The following NLGN1 variants were observed in gnomAD, a reference collection of about 807,000 sequenced individuals.
NLGN1 encodes neuroligin-1.
Under a neutral mutation model 65.5 loss-of-function variants are expected in NLGN1, and 12 were observed. The ratio of observed to expected loss-of-function variants is 0.18; its 90% CI spans 0.12 to 0.30. The LOEUF (loss-of-function observed/expected upper bound fraction) is 0.30, where lower values mean the gene tolerates loss of function less well. Ranked by LOEUF, NLGN1 falls within the 10% of genes least tolerant of loss-of-function variation. The pLI, the probability that NLGN1 is intolerant of heterozygous loss-of-function variation, is 1.00. For missense variants in NLGN1, 750 were observed against 1,007.1 expected (o/e 0.74, Z 3.46); for synonymous variants, 350 against 359.5 (o/e 0.97, Z 0.30).
chr3:173,500,364 G>T (rs529037678), intron 2 of NLGN1, among the ~76,000 whole-genome samples: 327 of 152,112 alleles, frequency 2.1e-3, no homozygotes, highest in African/African-American at 6.8e-3. Context: ...TTATTGATTT[G>T]CATATGTTGA....
intron 2 of NLGN1, among the ~76,000 whole-genome samples, chr3:173,575,368 TTAAAAA>T (rs1240586214): frequency 1.3e-5 from 2 of 152,204 alleles, no homozygotes; most frequent in Non-Finnish European, 2.9e-5. Context: ...TCATGGTGAC[TTAAAAA>T]TAATAGATAT....
intron 2 of NLGN1, among the ~76,000 whole-genome samples, chr3:173,539,657 G>GTTATATATGTACATATATAACATATA (rs1362050556): frequency 1.6e-5 from 2 of 124,274 alleles, no homozygotes; most frequent in African/African-American, 6.5e-5. Context: ...TATAACATAT[G>GTTATATATGTACATATATAACATATA]TGTATATATG....
chr3:173,581,579 T>C (rs565596149), intron 2 of NLGN1, among the ~76,000 whole-genome samples: 2 of 152,076 alleles, frequency 1.3e-5, no homozygotes, highest in African/African-American at 4.8e-5. Flanking sequence ...AACCATATTT[T>C]CCCATTTAGG....
At chr3:173,571,087 C>T (rs541569584) in intron 2 of NLGN1, among the ~76,000 whole-genome samples, 57 of 152,262 alleles carry the variant, frequency 3.7e-4, no homozygotes, top group African/African-American at 1.2e-3. Context: ...TCTTTCTGTA[C>T]CCCACACCAC....
intron 4 of NLGN1, among the ~76,000 whole-genome samples, chr3:173,957,642 T>C (rs1461335437): frequency 6.6e-6 from 1 of 152,190 alleles, no homozygotes; most frequent in Admixed American, 6.5e-5. Flanking sequence ...TGGCAGAAAA[T>C]GCTATGTGCT....
chr3:173,623,354 GAA>G (rs5854524), intron 3 of NLGN1, among the ~76,000 whole-genome samples: 261 of 146,820 alleles, frequency 1.8e-3, no homozygotes, highest in African/African-American at 5.3e-3. Flanking sequence ...TTATTTTTGT[GAA>G]AAAAAAAAAC....
chr3:174,252,647 C>A (rs916386651), intron 4 of NLGN1, among the ~76,000 whole-genome samples: 6 of 152,132 alleles, frequency 3.9e-5, no homozygotes, highest in African/African-American at 1.4e-4. Flanking sequence ...ACTGAAGGCT[C>A]TTCCAGCCCT....
rs187303569 is a variant in NLGN1, at chr3:173,593,802, G to A, written c.-320-10477G>A. Among the ~76,000 whole-genome samples the A allele has an allele frequency of 2.5e-4, 38 of 152,308 alleles. No homozygotes were observed. The Middle Eastern group carries it at 0.014, about 55-fold the overall frequency. ...TTAATTGGACTTAGAGTTCCACATG[G>A]CTAGGAAGGCCTCAGAATCATGGCG... On this transcript the variant is annotated intron_variant, in intron 2 of 6. Coordinates refer to ENST00000457714, the Ensembl canonical transcript of NLGN1.
intron 3 of NLGN1, among the ~76,000 whole-genome samples, chr3:173,702,593 A>G (rs1309966037): frequency 2.0e-5 from 3 of 152,240 alleles, no homozygotes; most frequent in South Asian, 4.1e-4. Context: ...AAAGAACATC[A>G]TATGATTTTG....
At position 174,058,086 on chromosome 3, in the gene NLGN1, G is replaced by A. The variant is rs1034557255; in HGVS notation, c.647-217229G>A. On this transcript the variant is annotated intron_variant, in intron 4 of 6. Transcript: ENST00000457714. ...AATGCAGTAACAATTCAGATGGCAAGTGGTAACAAGGCAGGTAAGAGTATA... is the reference window on the plus strand; with the variant it reads ...AATGCAGTAACAATTCAGATGGCAAATGGTAACAAGGCAGGTAAGAGTATA... 2.0e-5 allele frequency among the ~76,000 whole-genome samples: 3 copies of A among 152,256 alleles called. No individual in the cohort carries two copies. In the South Asian group the frequency reaches 6.2e-4, roughly 32 times the overall value.
intron 4 of NLGN1, among the ~76,000 whole-genome samples, chr3:174,109,943 G>A (rs1054524527): frequency 1.2e-4 from 18 of 152,006 alleles, no homozygotes; most frequent in South Asian, 2.1e-4. Flanking sequence ...CAATGCAAAC[G>A]CCCCTTTGAT....
chr3:173,527,621 T>C (rs1219400074), intron 2 of NLGN1, among the ~76,000 whole-genome samples: 1 of 152,180 alleles, frequency 6.6e-6, no homozygotes, highest in Non-Finnish European at 1.5e-5. Context: ...ATAGTCTCGA[T>C]CTCCTGACCT....
At chr3:173,544,259 CGTGTGTGTGTGTGT>C (rs3980148) in intron 2 of NLGN1, among the ~76,000 whole-genome samples, 2 of 144,144 alleles carry the variant, frequency 1.4e-5, no homozygotes, top group African/African-American at 2.6e-5. Context: ...GATTATATTA[CGTGTGTGTGTGTGT>C]GTGTGTGTGT....
At position 174,219,743 on chromosome 3, in the gene NLGN1, G is replaced by A. The variant is rs923335779; in HGVS notation, c.647-55572G>A. ...GGCACAAATCAGATGTTCCATAAAC[G>A]TTCATTGATGTGAATGGTTAGAAAT... On this transcript the variant is annotated intron_variant, in intron 4 of 6. Transcript: ENST00000457714. Among the ~76,000 whole-genome samples the A allele has an allele frequency of 2.0e-5, 3 of 152,082 alleles. No homozygotes were observed. In the East Asian group the frequency reaches 5.8e-4, roughly 29 times the overall value.
intron 4 of NLGN1, among the ~76,000 whole-genome samples, chr3:174,254,032 A>G (rs1745226483): frequency 6.6e-6 from 1 of 152,180 alleles, no homozygotes. Context: ...CCAATTTTCA[A>G]TATTAGGTGG....
In NLGN1 at chr3:173,569,606, AT is replaced by A. The variant is rs1744299922; in HGVS notation, c.-320-34670del. Among the ~76,000 whole-genome samples the A allele has an allele frequency of 3.0e-5, 3 of 99,060 alleles. No individual in the cohort carries two copies. The South Asian group carries it at 9.3e-4, about 31-fold the overall frequency. The allele number at this position is 99,060 out of a possible 152,430, so 65.0% of individuals were successfully genotyped here. On this transcript the variant is annotated intron_variant, in intron 2 of 6. Coordinates refer to ENST00000457714, the Ensembl canonical transcript of NLGN1. ...TGGTTTCTTTTTTTTTTTTCTATTT[AT>A]TTGTTTTTCCTTTTTAATGCTATTT...
At chr3:173,460,379 C>T (rs1174790990) in intron 2 of NLGN1, among the ~76,000 whole-genome samples, 2 of 152,002 alleles carry the variant, frequency 1.3e-5, no homozygotes, top group African/African-American at 4.8e-5. Context: ...CAGACATGTA[C>T]AAAATTATAA....
At chr3:174,267,943 T>C (rs1316738123) in intron 4 of NLGN1, among the ~76,000 whole-genome samples, 1 of 151,618 alleles carries the variant, frequency 6.6e-6, no homozygotes, top group Non-Finnish European at 1.5e-5. Context: ...CACACACACA[T>C]AGTTTACAAT....
At chr3:173,420,880 T>C (rs2148694357) in intron 1 of NLGN1, among the ~76,000 whole-genome samples, 1 of 152,360 alleles carries the variant, frequency 6.6e-6, no homozygotes, top group South Asian at 2.1e-4. Context: ...TCTTCTGGAC[T>C]TTCTATTCAT....
Sources: gnomAD v4.1 joint callset for allele counts (sites outside exome capture counted in the v4.1 genomes callset) on GRCh38, gnomAD v4.1.1 for gene constraint, MANE v1.5 for transcripts, NCBI Gene and HGNC (gene_info 2026-07-23, HGNC 2026-07-21) for gene names.